FANCL: variants seen among roughly 807,000 people sequenced by gnomAD.
FANCL encodes FA complementation group L, also known as E3 ubiquitin-protein ligase FANCL.
FANCL carries 69 observed loss-of-function variants against 59.4 expected under a neutral mutation model. The observed-to-expected ratio is 1.16, with a 90% CI of 0.96 to 1.42. The LOEUF (loss-of-function observed/expected upper bound fraction) is 1.42. Among genes scored for constraint, FANCL ranks in the 40% most tolerant of loss-of-function variants. The pLI is 0.00. For synonymous variants in FANCL, 180 were observed against 147.1 expected (o/e 1.22, Z -1.62); for missense variants, 519 against 447.2 (o/e 1.16, Z -1.45).
intron 7 of FANCL, among the ~76,000 whole-genome samples, chr2:58,168,813 A>G (rs1296017864): frequency 6.6e-6 from 1 of 152,112 alleles, no homozygotes; most frequent in Admixed American, 6.5e-5. Context: ...TACCCCTCAC[A>G]GTGTATACAA....
At chr2:58,174,619 T>G (rs2104900222) in intron 7 of FANCL, among the ~76,000 whole-genome samples, 1 of 152,012 alleles carries the variant, frequency 6.6e-6, no homozygotes, top group Non-Finnish European at 1.5e-5. Flanking sequence ...TACCAGAATC[T>G]CTGGGACACA....
chr2:58,214,889 G>A (rs1691553975), intron 5 of FANCL, among the ~76,000 whole-genome samples: 1 of 151,776 alleles, frequency 6.6e-6, no homozygotes, highest in South Asian at 2.1e-4. Flanking sequence ...TTATTAGCAG[G>A]GTAAAAAAAT....
chr2:58,170,139 A>T (rs1686419460), intron 7 of FANCL, among the ~76,000 whole-genome samples: 1 of 152,180 alleles, frequency 6.6e-6, no homozygotes, highest in Admixed American at 6.5e-5. Flanking sequence ...CCAGAGACAA[A>T]GGTTGGGTTA....
chr2:58,181,594 A>G (rs576641867), intron 7 of FANCL, among the ~76,000 whole-genome samples: 21 of 152,018 alleles, frequency 1.4e-4, no homozygotes, highest in Non-Finnish European at 2.8e-4. Flanking sequence ...CCTGCAAGTT[A>G]CTTTGTATAG....
At chr2:58,185,242 T>G (rs141581300) in intron 7 of FANCL, among the ~76,000 whole-genome samples, 46 of 152,250 alleles carry the variant, frequency 3.0e-4, no homozygotes, top group African/African-American at 1.0e-3. Flanking sequence ...CATAAAGATA[T>G]TAAGAGATCA....
In FANCL at chr2:58,217,166, TTATATATA is replaced by T. The variant is rs1158149205; in HGVS notation, c.374+4768_374+4775del. On this transcript the variant is annotated intron_variant, in intron 5 of 13. Transcript: ENST00000233741. ...AGATTTATATATATATTTATATATTTTATATATATATATATATATATATATATATATAT... is the reference window on the plus strand; with the variant it reads ...AGATTTATATATATATTTATATATTTTATATATATATATATATATATATAT... Among the ~76,000 whole-genome samples the T allele has an allele frequency of 1.1e-3, 50 of 47,318 alleles. No individual in the cohort carries two copies. In the East Asian group the frequency reaches 0.013, roughly 12 times the overall value. The allele number at this position is 47,318 out of a possible 152,430, so 31.0% of individuals were successfully genotyped here. A position where few individuals can be genotyped will look rare whatever the true frequency, so the allele number is the denominator to read the frequency against.
At chr2:58,193,378 CTT>C (rs1414053270) in intron 7 of FANCL, among the ~76,000 whole-genome samples, 4 of 151,012 alleles carry the variant, frequency 2.6e-5, no homozygotes, top group South Asian at 2.1e-4. Context: ...TATTTTTCCT[CTT>C]TCTCTTCTTT....
chr2:58,211,500 C>G (rs1445288110), intron 5 of FANCL, among the ~76,000 whole-genome samples: 1 of 152,224 alleles, frequency 6.6e-6, no homozygotes, highest in Admixed American at 6.5e-5. Flanking sequence ...ATCTTGGGGA[C>G]TAACATTTGG....
intron 7 of FANCL, among the ~76,000 whole-genome samples, chr2:58,170,017 A>G (rs1686402552): frequency 6.6e-6 from 1 of 152,192 alleles, no homozygotes; most frequent in Non-Finnish European, 1.5e-5. Flanking sequence ...CAACATTCCA[A>G]TTCAGGAAAT....
At chr2:58,218,678 G>A (rs1405339921) in intron 5 of FANCL, among the ~76,000 whole-genome samples, 2 of 151,500 alleles carry the variant, frequency 1.3e-5, no homozygotes, top group Non-Finnish European at 2.9e-5. Flanking sequence ...CACCCATGGA[G>A]GTACAGATTA....
chr2:58,240,059 T>C (rs754713515), intron 1 of FANCL, among the ~76,000 whole-genome samples: 8 of 149,096 alleles, frequency 5.4e-5, no homozygotes, highest in Non-Finnish European at 1.2e-4. Context: ...TTAGCAGATA[T>C]AGACATACAT....
chr2:58,169,315 G>T (rs560003114), intron 7 of FANCL, among the ~76,000 whole-genome samples: 73 of 152,164 alleles, frequency 4.8e-4, no homozygotes, highest in Non-Finnish European at 9.3e-4. Flanking sequence ...CAGCAGAGGG[G>T]TCTGTTAGAC....
chr2:58,219,039 C>A (rs1692139933), intron 5 of FANCL, among the ~76,000 whole-genome samples: 1 of 146,868 alleles, frequency 6.8e-6, no homozygotes, highest in African/African-American at 2.5e-5. Flanking sequence ...TAATACCACT[C>A]ACAAATAAAA....
chr2:58,198,920 T>C (rs1689712104), intron 6 of FANCL, among the ~76,000 whole-genome samples: 1 of 151,522 alleles, frequency 6.6e-6, no homozygotes, highest in Admixed American at 6.6e-5. Flanking sequence ...TCCCAGCTAC[T>C]TGGGAGGCTG....
intron 7 of FANCL, among the ~76,000 whole-genome samples, chr2:58,187,211 T>C (rs900065328): frequency 1.3e-5 from 2 of 152,084 alleles, no homozygotes; most frequent in Non-Finnish European, 2.9e-5. Flanking sequence ...ATGCCACATA[T>C]ACACCATGGA....
At chr2:58,195,217 C>G (rs1018118057) in intron 7 of FANCL, among the ~76,000 whole-genome samples, 2 of 152,084 alleles carry the variant, frequency 1.3e-5, no homozygotes, top group Non-Finnish European at 2.9e-5. Flanking sequence ...TTCTTATTTT[C>G]AAAACATAAA....
chr2:58,192,710 A>G (rs1242303828), intron 7 of FANCL, among the ~76,000 whole-genome samples: 3 of 151,960 alleles, frequency 2.0e-5, no homozygotes, highest in Admixed American at 2.0e-4. Context: ...GGTGGAATTT[A>G]GTAGATAATG....
intron 6 of FANCL, among the ~76,000 whole-genome samples, chr2:58,203,414 A>G (rs1330466376): frequency 6.6e-6 from 1 of 152,028 alleles, no homozygotes; most frequent in African/African-American, 2.4e-5. Context: ...TAATTAAAAA[A>G]AAAAAGTTGG....
At chr2:58,234,491 A>G (rs1372003261) in intron 1 of FANCL, among the ~76,000 whole-genome samples, 8 of 151,926 alleles carry the variant, frequency 5.3e-5, no homozygotes, top group Admixed American at 5.2e-4. Context: ...CCATCAGAGA[A>G]AAGGAGTTGA....
Sources: gnomAD v4.1 joint callset for allele counts (sites outside exome capture counted in the v4.1 genomes callset) on GRCh38, gnomAD v4.1.1 for gene constraint, MANE v1.5 for transcripts, NCBI Gene and HGNC (gene_info 2026-07-23, HGNC 2026-07-21) for gene names.